C1QTNF3: variants seen among roughly 807,000 people sequenced by gnomAD.
C1QTNF3 encodes C1q and TNF related 3.
A neutral mutation model predicts 32.6 loss-of-function variants in C1QTNF3; 26 were observed. That is an observed-to-expected ratio of 0.80 (90% CI 0.58 to 1.11). The LOEUF (loss-of-function observed/expected upper bound fraction) is 1.11. Ranked by LOEUF, C1QTNF3 falls within the 50% of genes least tolerant of loss-of-function variation. C1QTNF3 has a pLI of 0.00. For missense variants in C1QTNF3, 362 were observed against 398.2 expected (o/e 0.91, Z 0.77); for synonymous variants, 155 against 146.0 (o/e 1.06, Z -0.44).
chr5:34,084,257 T>C, the C1QTNF3 span, among the ~76,000 whole-genome samples: 1 of 151,798 alleles, frequency 6.6e-6, no homozygotes, highest in African/African-American at 2.4e-5. Context: ...GGGAATGTTG[T>C]GACAATTCTC....
At chr5:34,143,476 A>T in the C1QTNF3 span, among the ~76,000 whole-genome samples, 2 of 152,178 alleles carry the variant, frequency 1.3e-5, no homozygotes, top group African/African-American at 4.8e-5. Flanking sequence ...AAGGCTCAAA[A>T]TTAGATTCAC....
chr5:34,145,196 C>G, the C1QTNF3 span, among the ~76,000 whole-genome samples: 1 of 151,768 alleles, frequency 6.6e-6, no homozygotes, highest in South Asian at 2.1e-4. Context: ...GTGCAAAAAT[C>G]CATACAAAAG....
At chr5:34,043,912 G>T (rs1240432672), upstream of C1QTNF3, 1 of 152,162 alleles carries the variant, frequency 6.6e-6, no homozygotes, top group Non-Finnish European at 1.5e-5. Flanking sequence ...GGCTGTCTCT[G>T]GCTCCTCTTT....
At chr5:34,178,207 G>A in the C1QTNF3 span, among the ~76,000 whole-genome samples, 2 of 151,914 alleles carry the variant, frequency 1.3e-5, no homozygotes, top group East Asian at 1.9e-4. Flanking sequence ...CTTGAACCTG[G>A]GAGGCGGAGG....
At position 34,018,327 on chromosome 5, in the gene C1QTNF3, C is replaced by T. The variant is rs1754244274; in HGVS notation, c.*2256G>A. The stretch of plus-strand genomic sequence containing the variant: ...TCTGGCCATCAGATATTATCTTTTC[C>T]ACAAGCTTTTCTTATGCTCTCAGCT... On this transcript the variant is annotated 3_prime_UTR_variant, in exon 6 of 6. Transcript: ENST00000382065. Among the ~76,000 whole-genome samples the T allele has an allele frequency of 6.6e-6, 1 of 152,080 alleles. No individual in the cohort carries two copies. The highest frequency in any genetic ancestry group is 2.1e-4 in the South Asian group (1 of 4,814).
chr5:34,058,953 A>T, the C1QTNF3 span, among the ~76,000 whole-genome samples: 2 of 152,196 alleles, frequency 1.3e-5, no homozygotes, highest in African/African-American at 2.4e-5. Context: ...GTCAAGAGGA[A>T]GAGGTCAAGA....
the C1QTNF3 span, among the ~76,000 whole-genome samples, chr5:34,161,131 C>A: frequency 6.6e-6 from 1 of 152,136 alleles, no homozygotes; most frequent in African/African-American, 2.4e-5. Context: ...CTAGGTAGGG[C>A]ACTGTCCAAC....
chr5:34,143,025 G>A, the C1QTNF3 span, among the ~76,000 whole-genome samples: 1 of 152,276 alleles, frequency 6.6e-6, no homozygotes, highest in African/African-American at 2.4e-5. Flanking sequence ...CCAATCCAAG[G>A]AATGCAAGGA....
At chr5:34,223,055 C>T in the C1QTNF3 span, among the ~76,000 whole-genome samples, 1 of 151,658 alleles carries the variant, frequency 6.6e-6, no homozygotes, top group Non-Finnish European at 1.5e-5. Context: ...TTTTAGGGTA[C>T]ATGTGCACAA....
At chr5:34,147,382 C>A in the C1QTNF3 span, among the ~76,000 whole-genome samples, 10 of 152,244 alleles carry the variant, frequency 6.6e-5, no homozygotes, top group East Asian at 1.9e-3. Flanking sequence ...TCATGCTGTT[C>A]ACAACAGCAA....
In C1QTNF3 at chr5:34,042,959, T is replaced by G; in HGVS notation, c.167A>C (p.Lys56Thr). 1 of 1,614,206 alleles carries G rather than the reference T, an allele frequency of 6.2e-7. No homozygotes were observed. Among genetic ancestry groups the G allele is most frequent in the South Asian group, 1.1e-5 (1 of 91,084 alleles). ...QTGRSGSRRE[K>T]VRERSHPKTG... ...TTTAGGATGGCTCCGCTCTCTCACT[T>G]TCTCCCTCCTGGAGCCGCTACGGCC... is the stretch of plus-strand genomic sequence containing the variant. Residue 56 changes from lysine (K) to threonine (T), a missense_variant, in exon 1 of 6, where the codon AAA (lysine) becomes ACA (threonine). Transcript: ENST00000382065.
chr5:34,167,095 T>C, the C1QTNF3 span: 1 of 152,194 alleles, frequency 6.6e-6, no homozygotes, highest in Admixed American at 6.5e-5. Flanking sequence ...GGGTCTATTG[T>C]TCTTTAACAG....
chr5:34,026,332 G>A (rs1490491742), intron 4 of C1QTNF3, among the ~76,000 whole-genome samples: 1 of 152,018 alleles, frequency 6.6e-6, no homozygotes, highest in African/African-American at 2.4e-5. Context: ...GAAGAGCAAT[G>A]CTGAAAACAA....
chr5:34,113,971 T>C, the C1QTNF3 span, among the ~76,000 whole-genome samples: 1 of 152,318 alleles, frequency 6.6e-6, no homozygotes, highest in East Asian at 1.9e-4. Context: ...ATTCATAATT[T>C]TCTTTTGATT....
At chr5:34,043,268 T>C, upstream of C1QTNF3, 1 of 809,134 alleles carries the variant, frequency 1.2e-6, no homozygotes. Context: ...AATAAGGCTG[T>C]AGGCATGCCA....
rs944853935 is a variant in C1QTNF3 at position 34,018,736 on chromosome 5, T to G, written c.*1847A>C. 1.3e-5 allele frequency among the ~76,000 whole-genome samples: 2 copies of G among 152,216 alleles called. No homozygotes were observed. The highest frequency in any genetic ancestry group is 4.8e-5 in the African/African-American group (2 of 41,462). On this transcript the variant is annotated 3_prime_UTR_variant, in exon 6 of 6. Transcript: ENST00000382065. ...TATAATGTTTTCTACACTGGAAAAT[T>G]ACCAAGGCTGATCATTATGTGAAAC...
At chr5:34,207,393 G>C in the C1QTNF3 span, among the ~76,000 whole-genome samples, 1 of 151,700 alleles carries the variant, frequency 6.6e-6, no homozygotes, top group Non-Finnish European at 1.5e-5. Context: ...CTGTCTCCAG[G>C]CAGCCATTTG....
upstream of C1QTNF3, among the ~76,000 whole-genome samples, chr5:34,046,083 G>A (rs1471062491): frequency 6.6e-6 from 1 of 152,152 alleles, no homozygotes; most frequent in East Asian, 1.9e-4. Context: ...TTTTGTAAAT[G>A]CCTATATTAA....
At chr5:34,070,997 A>G in the C1QTNF3 span, among the ~76,000 whole-genome samples, 2 of 152,190 alleles carry the variant, frequency 1.3e-5, no homozygotes, top group Non-Finnish European at 2.9e-5. Flanking sequence ...ATACATTTAG[A>G]GCAAAATGAA....
Sources: allele counts gnomAD v4.1 joint callset (sites outside exome capture counted in the v4.1 genomes callset), GRCh38; gene constraint gnomAD v4.1.1; transcripts MANE v1.5; gene names NCBI Gene and HGNC (gene_info 2026-07-23, HGNC 2026-07-21).